The following RAB7A variants were observed in gnomAD, a reference collection of about 807,000 sequenced individuals.
The protein encoded by RAB7A is RAB7A, member RAS oncogene family.
A neutral mutation model predicts 24.5 loss-of-function variants in RAB7A; 2 were observed. The observed-to-expected ratio is 0.08, with a 90% confidence interval of 0.03 to 0.26. The LOEUF is 0.26. RAB7A is among the 10% of genes least tolerant of loss of function. The pLI, the probability that RAB7A is intolerant of heterozygous loss-of-function variation, is 1.00. For synonymous variants in RAB7A, 100 were observed against 95.9 expected (o/e 1.04, Z -0.25); for missense variants, 118 against 255.7 (o/e 0.46, Z 3.67).
At chr3:128,741,362 G>A (rs1460536234) in intron 1 of RAB7A, among the ~76,000 whole-genome samples, 2 of 151,926 alleles carry the variant, frequency 1.3e-5, no homozygotes, top group Non-Finnish European at 2.9e-5. Context: ...CCCACCCCCA[G>A]GACAATAAAA....
intron 2 of RAB7A, among the ~76,000 whole-genome samples, chr3:128,796,156 G>C (rs1047670711): frequency 1.3e-5 from 2 of 152,152 alleles, no homozygotes; most frequent in Non-Finnish European, 2.9e-5. Context: ...TCTGATTCTA[G>C]ATGTGCCACT....
chr3:128,812,673 T>C (rs1324081303), intron 5 of RAB7A, among the ~76,000 whole-genome samples: 5 of 152,254 alleles, frequency 3.3e-5, no homozygotes, highest in African/African-American at 4.8e-5. Flanking sequence ...CCATAGTCCA[T>C]GTGCTCTGAT....
intron 1 of RAB7A, among the ~76,000 whole-genome samples, chr3:128,776,945 TACACACACACACAC>T (rs71153145): frequency 9.8e-5 from 14 of 142,358 alleles, no homozygotes; most frequent in South Asian, 4.6e-4. Flanking sequence ...TTAGTTGAGC[TACACACACACACAC>T]ACACACACAC....
rs184765717 is a variant in RAB7A, at chr3:128,805,374, T to C, written c.181-998T>C. ...TTGTCTTTTTTGCCCTTCATCCTTA[T>C]ATCTGAGTTGTTATCATGTTCGTCC... is the stretch of plus-strand genomic sequence containing the variant. On this transcript the variant is annotated intron_variant, in intron 3 of 5. Coordinates refer to ENST00000265062, the MANE Select transcript of RAB7A (RefSeq NM_004637.6). 4.6e-5 allele frequency among the ~76,000 whole-genome samples: 7 copies of C among 152,284 alleles called. No homozygotes were observed. The South Asian group carries it at 8.3e-4, about 18-fold the overall frequency.
At position 128,806,423 on chromosome 3, in the gene RAB7A, T is replaced by C; in HGVS notation, c.232T>C (p.Tyr78His). 1 of 1,613,856 alleles carries C rather than the reference T, an allele frequency of 6.2e-7. No individual in the cohort carries two copies. The highest frequency in any genetic ancestry group is 8.5e-7 in the Non-Finnish European group (1 of 1,179,932). The change falls in exon 4 of 6, where the codon TAC (tyrosine) becomes CAC (histidine). Residue 78 changes from tyrosine to histidine, a missense_variant. Around this residue, in one of 2 missense-constraint regions of RAB7A, gnomAD observed 52 missense variants for 173.5 expected, o/e 0.30. Coordinates refer to ENST00000265062, the MANE Select transcript of RAB7A (RefSeq NM_004637.6). Reference protein sequence around the residue: ...ERFQSLGVAFYRGADCCVLVF... With the variant: ...ERFQSLGVAFHRGADCCVLVF... ...GTTCCAGTCTCTCGGTGTGGCCTTC[T>C]ACAGAGGTGCAGACTGCTGCGTTCT... is the stretch of plus-strand genomic sequence containing the variant.
chr3:128,726,385 G>C (rs1321696918), intron 1 of RAB7A, 26 bp downstream of exon 1: 4 of 152,442 alleles, frequency 2.6e-5, no homozygotes, highest in African/African-American at 9.7e-5. Flanking sequence ...AGCCCGGCCG[G>C]CGGCCTGGCC....
At chr3:128,742,840 G>A (rs776793531) in intron 1 of RAB7A, among the ~76,000 whole-genome samples, 8 of 152,360 alleles carry the variant, frequency 5.3e-5, no homozygotes, top group Non-Finnish European at 1.0e-4. Context: ...GTCCCCACTC[G>A]ACTCAGGAGC....
intron 2 of RAB7A, among the ~76,000 whole-genome samples, chr3:128,796,983 G>A (rs1025196268): frequency 4.6e-5 from 7 of 152,102 alleles, no homozygotes; most frequent in African/African-American, 1.4e-4. Flanking sequence ...CCTTTTGTTC[G>A]CTAGCATTTG....
At chr3:128,753,683 C>T (rs1348403183) in intron 1 of RAB7A, among the ~76,000 whole-genome samples, 1 of 152,194 alleles carries the variant, frequency 6.6e-6, no homozygotes, top group Non-Finnish European at 1.5e-5. Flanking sequence ...TCCCTTGTTT[C>T]TGTGTCCTCA....
At chr3:128,773,450 C>T (rs577344735) in intron 1 of RAB7A, among the ~76,000 whole-genome samples, 37 of 145,098 alleles carry the variant, frequency 2.6e-4, no homozygotes, top group African/African-American at 7.4e-4. Context: ...CCCGGCCAGC[C>T]GCCCCGTCCG....
intron 1 of RAB7A, among the ~76,000 whole-genome samples, chr3:128,777,520 C>G (rs1184931197): frequency 6.6e-6 from 1 of 152,158 alleles, no homozygotes; most frequent in South Asian, 2.1e-4. Context: ...GATAATAAAA[C>G]ACATGTGACT....
intron 1 of RAB7A, among the ~76,000 whole-genome samples, chr3:128,769,876 T>A (rs1249683145): frequency 6.6e-6 from 1 of 152,174 alleles, no homozygotes; most frequent in Non-Finnish European, 1.5e-5. Flanking sequence ...TCAGGTTACT[T>A]TTTTGTAAGG....
At chr3:128,752,738 CTT>C (rs11421152) in intron 1 of RAB7A, among the ~76,000 whole-genome samples, 5 of 134,236 alleles carry the variant, frequency 3.7e-5, no homozygotes, top group Admixed American at 7.4e-5. Flanking sequence ...AGCTTTTCCT[CTT>C]TTTTTTTTTT....
intron 1 of RAB7A, among the ~76,000 whole-genome samples, chr3:128,759,464 A>G (rs1428831922): frequency 1.3e-5 from 2 of 152,234 alleles, no homozygotes; most frequent in Non-Finnish European, 2.9e-5. Context: ...GTGGACGTCT[A>G]TTCTGCCAAG....
chr3:128,786,509 A>C (rs893653629), intron 1 of RAB7A, among the ~76,000 whole-genome samples: 1 of 152,144 alleles, frequency 6.6e-6, no homozygotes, highest in African/African-American at 2.4e-5. Flanking sequence ...GTCTTCTCTA[A>C]TGGTCATATA....
chr3:128,793,170 C>T (rs138313901), intron 1 of RAB7A, among the ~76,000 whole-genome samples: 1,816 of 151,532 alleles, frequency 0.012, 33 homozygotes, highest in African/African-American at 0.04. Context: ...ACTACAGGCA[C>T]ATGCCACCAC....
intron 1 of RAB7A, among the ~76,000 whole-genome samples, chr3:128,767,437 A>G (rs1371575858): frequency 1.3e-5 from 2 of 152,228 alleles, no homozygotes; most frequent in African/African-American, 2.4e-5. Context: ...GTGTGTAGCA[A>G]AGCAGGCTGG....
intron 1 of RAB7A, among the ~76,000 whole-genome samples, chr3:128,763,048 A>C (rs1283819405): frequency 6.6e-6 from 1 of 151,784 alleles, no homozygotes; most frequent in South Asian, 2.1e-4. Flanking sequence ...TAGTTTTGGA[A>C]AGATCAAGCC....
Position 128,753,658 on chromosome 3 carries a change from C to T in RAB7A, c.-9+27299C>T, listed in dbSNP as rs554957031. 2.0e-5 allele frequency among the ~76,000 whole-genome samples: 3 copies of T among 152,300 alleles called. No individual in the cohort carries two copies. The South Asian group carries it at 6.2e-4, about 32-fold the overall frequency. ...GATACAGTGTTTGATAAGTTGCCCT[C>T]TGCTTTCAAGATGGTCCCTTGTTTC... On this transcript the variant is annotated intron_variant, in intron 1 of 5. Transcript: ENST00000265062.
Sources: allele counts gnomAD v4.1 joint callset (sites outside exome capture counted in the v4.1 genomes callset), GRCh38; gene constraint gnomAD v4.1.1; regional missense constraint gnomAD v4.1.1; transcripts MANE v1.5; gene names NCBI Gene and HGNC (gene_info 2026-07-23, HGNC 2026-07-21).